CA10: variants seen among roughly 807,000 people sequenced by gnomAD.
CA10 encodes carbonic anhydrase 10 (inactive).
CA10 carries 14 observed loss-of-function variants against 44.2 expected under a neutral mutation model. The ratio of observed to expected loss-of-function variants is 0.32; its 90% confidence interval spans 0.21 to 0.50. The LOEUF is 0.50. CA10 is among the 20% of genes least tolerant of loss of function. The pLI, the probability that CA10 is intolerant of heterozygous loss-of-function variation, is 0.99. For missense variants in CA10, 350 were observed against 409.7 expected, an observed-to-expected ratio of 0.85 and a Z score of 1.26; for synonymous variants, 159 against 141.6, an observed-to-expected ratio of 1.12 and a Z score of -0.87.
At chr17:51,831,693 G>GCAGCAGCAGCAGCAGCATCAGCAC (rs1908266561) in intron 3 of CA10, among the ~76,000 whole-genome samples, 1 of 80,962 alleles carries the variant, frequency 1.2e-5, no homozygotes, top group African/African-American at 3.7e-5. Flanking sequence ...AGCAGCAGCA[G>GCAGCAGCAGCAGCAGCATCAGCAC]CAGCAGCAGC....
At chr17:51,844,757 G>T in intron 3 of CA10, among the ~76,000 whole-genome samples, 1 of 152,162 alleles carries the variant, frequency 6.6e-6, no homozygotes, top group Admixed American at 6.5e-5. Context: ...CTTGAGTGTG[G>T]CCTGGACTTA....
At chr17:52,018,296 C>T (rs1012322789) in intron 2 of CA10, among the ~76,000 whole-genome samples, 1 of 152,096 alleles carries the variant, frequency 6.6e-6, no homozygotes, top group Non-Finnish European at 1.5e-5. Flanking sequence ...AGCTTATGCC[C>T]TCAGTCTGAA....
intron 1 of CA10, among the ~76,000 whole-genome samples, chr17:52,084,067 G>C (rs896125223): frequency 1.3e-5 from 2 of 152,098 alleles, no homozygotes; most frequent in Non-Finnish European, 2.9e-5. Flanking sequence ...GGACATTCGT[G>C]CCATTTGTGA....
intron 3 of CA10, among the ~76,000 whole-genome samples, chr17:51,766,198 G>A (rs1303936673): frequency 1.3e-5 from 2 of 152,122 alleles, no homozygotes; most frequent in East Asian, 3.9e-4. Flanking sequence ...CCCTCTAAGA[G>A]CAAGGACTCC....
chr17:51,995,531 TAACA>T (rs1442831304), intron 2 of CA10, among the ~76,000 whole-genome samples: 1 of 152,098 alleles, frequency 6.6e-6, no homozygotes, highest in African/African-American at 2.4e-5. Flanking sequence ...CAGGCCACTT[TAACA>T]TTTTCCTGAA....
At chr17:51,903,415 T>C (rs1019679768) in intron 3 of CA10, among the ~76,000 whole-genome samples, 2 of 152,188 alleles carry the variant, frequency 1.3e-5, no homozygotes, top group Non-Finnish European at 2.9e-5. Context: ...GCCCTGCATA[T>C]AGTAGATGGT....
In CA10 at chr17:51,878,288, A is replaced by G. The variant is rs147199942; in HGVS notation, c.279+52702T>C. On this transcript the variant is annotated intron_variant, in intron 3 of 8. Transcript: ENST00000451037. ...ACCACACTGAGGCCTAAGACTTAAC[A>G]TATTTTTTAAAGTTCTCCATATAAT... Among the ~76,000 whole-genome samples, 812 of 152,200 alleles carry G rather than the reference A, an allele frequency of 5.3e-3. 4 individuals carry two copies. The highest frequency in any genetic ancestry group is 0.018 in the African/African-American group (768 of 41,520).
chr17:51,771,808 A>G (rs1905623569), intron 3 of CA10, among the ~76,000 whole-genome samples: 1 of 152,132 alleles, frequency 6.6e-6, no homozygotes, highest in African/African-American at 2.4e-5. Context: ...GCGAGGCTTG[A>G]CCAATACCAA....
intron 3 of CA10, among the ~76,000 whole-genome samples, chr17:51,832,690 G>A (rs1253022974): frequency 6.6e-6 from 1 of 152,198 alleles, no homozygotes; most frequent in Non-Finnish European, 1.5e-5. Context: ...GGAGCTTTAA[G>A]GTGATTTTCT....
At chr17:51,765,562 A>G (rs1380123299) in intron 3 of CA10, among the ~76,000 whole-genome samples, 1 of 152,118 alleles carries the variant, frequency 6.6e-6, no homozygotes, top group East Asian at 1.9e-4. Context: ...CAGGGACAAT[A>G]AATTCCTTCA....
rs1913205293 is a variant in CA10, at chr17:51,643,832, A to C, written c.634+5350T>G. On this transcript the variant is annotated intron_variant, in intron 6 of 8. Transcript: ENST00000451037. ...GTTCATTTTACACCTAGTTTATACC[A>C]CTCATTGTTCAGGCATTTGACTCAT... 2.0e-5 allele frequency among the ~76,000 whole-genome samples: 3 copies of C among 152,122 alleles called. No individual in the cohort carries two copies. The South Asian group carries it at 6.2e-4, about 32-fold the overall frequency.
At chr17:51,658,502 C>T (rs1265665512) in intron 4 of CA10, among the ~76,000 whole-genome samples, 2 of 152,136 alleles carry the variant, frequency 1.3e-5, no homozygotes, top group Non-Finnish European at 2.9e-5. Flanking sequence ...TGAGCTGAAT[C>T]CTGATGACCA....
intron 3 of CA10, among the ~76,000 whole-genome samples, chr17:51,777,996 G>T (rs1444171833): frequency 2.0e-5 from 3 of 152,166 alleles, no homozygotes; most frequent in Non-Finnish European, 4.4e-5. Context: ...CTCATCTGTT[G>T]TGAGGCAGGA....
At chr17:51,847,713 T>C (rs950995524) in intron 3 of CA10, among the ~76,000 whole-genome samples, 4 of 152,152 alleles carry the variant, frequency 2.6e-5, no homozygotes, top group African/African-American at 9.7e-5. Context: ...GGTAAATGCA[T>C]TAGGCTTCAT....
intron 1 of CA10, 71 bp from the exon 2 acceptor site, chr17:52,072,464 G>A: frequency 1.8e-6 from 2 of 1,116,982 alleles, no homozygotes; most frequent in Non-Finnish European, 1.4e-6. Context: ...GTCCGAGTAA[G>A]AAGGGTGAAT....
chr17:51,635,383 C>T (rs1221857047), intron 7 of CA10, among the ~76,000 whole-genome samples: 2 of 152,006 alleles, frequency 1.3e-5, no homozygotes, highest in Non-Finnish European at 1.5e-5. Context: ...CGTGGTGGCA[C>T]GTGTCTGTAA....
chr17:51,914,004 C>T (rs1168410319), intron 3 of CA10, among the ~76,000 whole-genome samples: 2 of 152,110 alleles, frequency 1.3e-5, no homozygotes, highest in Non-Finnish European at 2.9e-5. Flanking sequence ...TTATGCACAT[C>T]ATATGAAATG....
intron 2 of CA10, among the ~76,000 whole-genome samples, chr17:51,968,862 T>G (rs1984174914): frequency 6.6e-6 from 1 of 151,972 alleles, no homozygotes; most frequent in Non-Finnish European, 1.5e-5. Flanking sequence ...AGTTTAAATA[T>G]TTACCTTGAA....
intron 4 of CA10, among the ~76,000 whole-genome samples, chr17:51,744,405 G>C (rs999163799): frequency 4.6e-5 from 7 of 151,992 alleles, no homozygotes; most frequent in Admixed American, 1.3e-4. Flanking sequence ...TCGAATGTGA[G>C]TCACCTTTAT....
Sources: allele counts gnomAD v4.1 joint callset (sites outside exome capture counted in the v4.1 genomes callset), GRCh38; gene constraint gnomAD v4.1.1; transcripts MANE v1.5; gene names NCBI Gene and HGNC (gene_info 2026-07-23, HGNC 2026-07-21).